GALNT14: variants seen among roughly 807,000 people sequenced by gnomAD.
GALNT14 encodes UDP-GalNAc:polypeptide N-acetylgalactosaminyltransferase 14.
In GALNT14, 60 loss-of-function variants were observed where a neutral mutation model predicts 77.5. The observed-to-expected ratio is 0.77, with a 90% CI of 0.63 to 0.96. The LOEUF is 0.96. Ranked by LOEUF, GALNT14 falls within the 40% of genes least tolerant of loss-of-function variation. The probability of loss-of-function intolerance (pLI) is 0.00; values close to 1 mark genes in which losing one functional copy is unlikely to be tolerated. For missense variants in GALNT14, 710 were observed against 731.0 expected (o/e 0.97, Z 0.33); for synonymous variants, 280 against 281.7 (o/e 0.99, Z 0.06).
At chr2:30,924,678 A>T in intron 12 of GALNT14, 62 bp downstream of exon 12, 1 of 1,443,746 alleles carries the variant, frequency 6.9e-7, no homozygotes, top group Middle Eastern at 1.8e-4. Context: ...TCTTCTCCAG[A>T]CCAAGCCAGC....
chr2:30,908,553 A>C (rs2148188785), downstream of GALNT14, among the ~76,000 whole-genome samples: 1 of 146,678 alleles, frequency 6.8e-6, no homozygotes, highest in Admixed American at 6.8e-5. Context: ...TCAAGGAAAT[A>C]AAAGAGGATA....
chr2:31,045,948 C>A (rs1673426131), intron 1 of GALNT14, among the ~76,000 whole-genome samples: 1 of 152,154 alleles, frequency 6.6e-6, no homozygotes, highest in Admixed American at 6.5e-5. Flanking sequence ...GTTACCACTG[C>A]TGCACAGGCC....
At chr2:31,069,512 G>A (rs950989218) in intron 1 of GALNT14, among the ~76,000 whole-genome samples, 1 of 152,196 alleles carries the variant, frequency 6.6e-6, no homozygotes, top group Non-Finnish European at 1.5e-5. Flanking sequence ...GAGTCTCTGA[G>A]AGGTTGAATG....
chr2:30,939,157 T>C (rs1445413181), intron 9 of GALNT14, among the ~76,000 whole-genome samples: 1 of 152,060 alleles, frequency 6.6e-6, no homozygotes, highest in East Asian at 1.9e-4. Flanking sequence ...CCAGGTTTGG[T>C]AGAAGGCTGG....
chr2:30,909,358 T>C (rs1446702806), downstream of GALNT14, among the ~76,000 whole-genome samples: 1 of 151,344 alleles, frequency 6.6e-6, no homozygotes, highest in Non-Finnish European at 1.5e-5. Flanking sequence ...CAGACAAATT[T>C]ACAAGAAAAA....
intron 1 of GALNT14, among the ~76,000 whole-genome samples, chr2:31,042,784 C>CGTCTCAAGCCTCCAT (rs1673181373): frequency 6.6e-6 from 1 of 152,018 alleles, no homozygotes; most frequent in African/African-American, 2.4e-5. Flanking sequence ...CCAGCCTCCA[C>CGTCTCAAGCCTCCAT]CGTCTCAGGC....
intron 2 of GALNT14, among the ~76,000 whole-genome samples, chr2:30,991,687 T>C (rs1226815373): frequency 6.6e-6 from 1 of 152,154 alleles, no homozygotes; most frequent in African/African-American, 2.4e-5. Flanking sequence ...GGGAAACCAA[T>C]ACTTCAGCTG....
chr2:30,929,276 G>A, intron 11 of GALNT14, 119 bp downstream of exon 11: 1 of 682,822 alleles, frequency 1.5e-6, no homozygotes, highest in Non-Finnish European at 2.6e-6. Flanking sequence ...CCACAGCCTT[G>A]GGCCCTGCGG....
At chr2:31,025,804 T>C (rs1672012422) in intron 1 of GALNT14, among the ~76,000 whole-genome samples, 1 of 152,162 alleles carries the variant, frequency 6.6e-6, no homozygotes, top group South Asian at 2.1e-4. Flanking sequence ...GTCCAAAATC[T>C]GCAAATCAAG....
chr2:31,101,788 A>G (rs980619573), intron 1 of GALNT14, among the ~76,000 whole-genome samples: 2 of 152,072 alleles, frequency 1.3e-5, no homozygotes, highest in Admixed American at 1.3e-4. Flanking sequence ...CTTGAATTTT[A>G]GTTCCCATAA....
chr2:31,103,167 G>A (rs1429964646), intron 1 of GALNT14, among the ~76,000 whole-genome samples: 2 of 101,066 alleles, frequency 2.0e-5, no homozygotes, highest in African/African-American at 1.1e-4. Context: ...TATGTCTTCT[G>A]GGTTTCTTGG....
chr2:30,889,267 A>G, the GALNT14 span, among the ~76,000 whole-genome samples: 9 of 152,352 alleles, frequency 5.9e-5, 1 homozygote, highest in South Asian at 1.5e-3. Context: ...ATGATCAGAA[A>G]TTAAAATGTA....
chr2:30,907,982 C>A, downstream of GALNT14, among the ~76,000 whole-genome samples: 1 of 110,642 alleles, frequency 9.0e-6, no homozygotes, highest in East Asian at 2.5e-4. Flanking sequence ...TCAATAGATG[C>A]AGAAAAAGCC....
intron 9 of GALNT14, among the ~76,000 whole-genome samples, chr2:30,934,474 C>T (rs576631028): frequency 6.6e-6 from 1 of 152,180 alleles, no homozygotes; most frequent in Non-Finnish European, 1.5e-5. Flanking sequence ...CATCTACAGT[C>T]TCTTCCTTTC....
In GALNT14 at chr2:31,037,512, T is replaced by C. The variant is rs138355304; in HGVS notation, c.130-44505A>G. On this transcript the variant is annotated intron_variant, in intron 1 of 14. Transcript: ENST00000349752. ...TAAGCTTCCATATGGACAGTTTCTA[T>C]TGACTGCTTTGTTCCCCTCTTTGTA... Among the ~76,000 whole-genome samples the C allele has an allele frequency of 5.1e-3, 776 of 152,342 alleles. 7 individuals are homozygous for C. The highest frequency in any genetic ancestry group is 0.017 in the African/African-American group (715 of 41,578).
chr2:30,987,918 A>G, intron 2 of GALNT14, among the ~76,000 whole-genome samples: 1 of 152,190 alleles, frequency 6.6e-6, no homozygotes, highest in Non-Finnish European at 1.5e-5. Flanking sequence ...ATTGGAAGCA[A>G]ATTTAATAAG....
At chr2:31,009,833 C>A (rs1333696491) in intron 1 of GALNT14, among the ~76,000 whole-genome samples, 1 of 152,166 alleles carries the variant, frequency 6.6e-6, no homozygotes, top group Non-Finnish European at 1.5e-5. Context: ...ACACAACTAA[C>A]CCATCCCCAT....
intron 3 of GALNT14, 25 bp downstream of exon 3, chr2:30,966,179 C>T (rs1198967175): frequency 1.2e-6 from 2 of 1,603,430 alleles, no homozygotes; most frequent in South Asian, 1.1e-5. Context: ...CAGAGCTGGC[C>T]AACAGACAAG....
rs1664314079 is a variant in GALNT14 at position 30,910,874 on chromosome 2, G to T, written c.*27C>A. The T allele has an allele frequency of 1.9e-6, 3 of 1,610,662 alleles. No homozygotes were observed. Among genetic ancestry groups the T allele is most frequent in the African/African-American group, 1.3e-5 (1 of 74,818 alleles). ...CTGGTCCAGGGAAGCACCACCCCAT[G>T]GCCCTTGCTGCTTCTGGCAGGGGTC... On this transcript the variant is annotated 3_prime_UTR_variant, in exon 15 of 15. Transcript: ENST00000349752.
Sources: allele counts gnomAD v4.1 joint callset (sites outside exome capture counted in the v4.1 genomes callset), GRCh38; gene constraint gnomAD v4.1.1; transcripts MANE v1.5; gene names NCBI Gene and HGNC (gene_info 2026-07-23, HGNC 2026-07-21).